The following UNC13B variants were observed in gnomAD, a reference collection of about 807,000 sequenced individuals.
UNC13B encodes the protein protein unc-13 homolog B.
In UNC13B, 144 loss-of-function variants were observed where a neutral mutation model predicts 211.0. The observed-to-expected ratio is 0.68, with a 90% CI of 0.60 to 0.78. The LOEUF (loss-of-function observed/expected upper bound fraction) is 0.78, where lower values mean the gene tolerates loss of function less well. Ranked by LOEUF, UNC13B falls within the 30% of genes least tolerant of loss-of-function variation. The pLI is 0.00. For missense variants in UNC13B, 1,777 were observed against 2,002.0 expected (o/e 0.89, Z 2.14); for synonymous variants, 709 against 725.8 (o/e 0.98, Z 0.37).
At chr9:35,174,290 T>C (rs576839741) in intron 1 of UNC13B, among the ~76,000 whole-genome samples, 1 of 151,844 alleles carries the variant, frequency 6.6e-6, no homozygotes, top group East Asian at 1.9e-4. Flanking sequence ...CCTGAGTAGC[T>C]GGAACTACAG....
intron 11 of UNC13B, among the ~76,000 whole-genome samples, chr9:35,345,202 T>G (rs574648454): frequency 6.6e-6 from 1 of 152,114 alleles, no homozygotes; most frequent in Admixed American, 6.6e-5. Context: ...AAACAAAAAA[T>G]TATTTTGACA....
At chr9:35,351,282 C>G in intron 11 of UNC13B, 1 of 1,181,224 alleles carries the variant, frequency 8.5e-7, no homozygotes, top group Non-Finnish European at 1.0e-6. Flanking sequence ...CACTATTTTC[C>G]TTTTTCACTA....
chr9:35,402,605 G>C (rs2132394639), intron 37 of UNC13B, among the ~76,000 whole-genome samples: 1 of 152,086 alleles, frequency 6.6e-6, no homozygotes, highest in South Asian at 2.1e-4. Context: ...AAATAGGGTG[G>C]GGTCTCTGCT....
chr9:35,318,991 T>G (rs557509899), intron 11 of UNC13B, among the ~76,000 whole-genome samples: 1 of 152,206 alleles, frequency 6.6e-6, no homozygotes, highest in Non-Finnish European at 1.5e-5. Flanking sequence ...AGATAACAAG[T>G]GAAAGAAAAT....
intron 11 of UNC13B, chr9:35,352,279 G>A (rs1212893679): frequency 1.6e-6 from 2 of 1,232,198 alleles, no homozygotes; most frequent in South Asian, 8.2e-5. Context: ...TTAATGGCAT[G>A]CAGTGCAACA....
rs1825821884 is a variant in UNC13B, at chr9:35,241,646, C to T, written c.395-1645C>T. On this transcript the variant is annotated intron_variant, in intron 5 of 39. Transcript: ENST00000635942. ...ATAGTAGCATATTCTAACACATTCC[C>T]TGTGCCTTGCTGTTTTGCACTTAGT... Among the ~76,000 whole-genome samples, 3 of 151,944 alleles carry T rather than the reference C, an allele frequency of 2.0e-5. No homozygotes were observed. The South Asian group carries it at 6.2e-4, about 31-fold the overall frequency.
chr9:35,314,257 A>G (rs1830333790), intron 11 of UNC13B, among the ~76,000 whole-genome samples: 1 of 152,160 alleles, frequency 6.6e-6, no homozygotes, highest in Non-Finnish European at 1.5e-5. Context: ...GTCTCTTTGA[A>G]GCCGTTTGAG....
chr9:35,204,787 G>A (rs1446557365), intron 1 of UNC13B, among the ~76,000 whole-genome samples: 5 of 152,210 alleles, frequency 3.3e-5, no homozygotes, highest in Admixed American at 3.3e-4. Context: ...GGCTTGCCTT[G>A]TCTCAGATGT....
chr9:35,263,264 A>G (rs1034798275), intron 7 of UNC13B, among the ~76,000 whole-genome samples: 2 of 152,194 alleles, frequency 1.3e-5, no homozygotes, highest in African/African-American at 4.8e-5. Context: ...AGTAAAAAAT[A>G]ATAGTCCTTA....
intron 7 of UNC13B, among the ~76,000 whole-genome samples, chr9:35,272,911 A>C (rs368534473): frequency 1.3e-5 from 2 of 152,142 alleles, no homozygotes; most frequent in Non-Finnish European, 2.9e-5. Context: ...TGTTATTTCT[A>C]TATGTATTAT....
At chr9:35,246,676 C>T (rs1342319405) in intron 6 of UNC13B, among the ~76,000 whole-genome samples, 3 of 151,964 alleles carry the variant, frequency 2.0e-5, no homozygotes, top group Non-Finnish European at 4.4e-5. Flanking sequence ...TGTGGTATTA[C>T]TTCTGAGGGC....
chr9:35,243,227 T>C lies in UNC13B; in HGVS notation c.395-64T>C, dbSNP rs1825901912. ...AGTCATTAGACAGAGTAAAGTGTTA[T>C]CTGCTGATGATTTATTACCTGCTGA... On this transcript the variant is annotated intron_variant, in intron 5 of 39. Coordinates refer to ENST00000635942, the MANE Select transcript of UNC13B (RefSeq NM_001371189.2). 4.7e-6 allele frequency: 7 copies of C among 1,500,846 alleles called. No homozygotes were observed. In the South Asian group the frequency reaches 6.8e-5, roughly 15 times the overall value. The allele number at this position is 1,500,846 out of a possible 1,614,324, so 93.0% of individuals were successfully genotyped here.
intron 1 of UNC13B, among the ~76,000 whole-genome samples, chr9:35,192,954 C>T (rs1003388760): frequency 1.6e-4 from 24 of 152,136 alleles, no homozygotes; most frequent in African/African-American, 5.8e-4. Flanking sequence ...TGTTTTCCCT[C>T]TGCGGTTTCT....
rs1284815827 is a variant in UNC13B, at chr9:35,382,255, C to A, written c.10656-102C>A. 3 of 1,486,884 alleles carry A rather than the reference C, an allele frequency of 2.0e-6. No individual in the cohort carries two copies. The East Asian group carries it at 6.8e-5, about 34-fold the overall frequency. 92.1% of individuals were successfully genotyped at this position (1,486,884 alleles called of 1,614,324 possible). On this transcript the variant is annotated intron_variant, in intron 20 of 39. Coordinates refer to ENST00000635942, the MANE Select transcript of UNC13B (RefSeq NM_001371189.2). The stretch of plus-strand genomic sequence containing the variant: ...CTAGGCAAGAGAGGGCAGCAATTGC[C>A]CTGGCTGTGCTTCATTTATCCCATA...
chr9:35,304,366 A>T lies in UNC13B; in HGVS notation c.4962A>T (p.Gln1654His), dbSNP rs894887564. ...QPLDFSGYNR[Q>H]KFKGDFRSFK... The stretch of plus-strand genomic sequence containing the variant: ...TAGATTTTTCAGGCTATAATCGTCA[A>T]AAGTTTAAAGGAGACTTTAGATCTT... The change falls in exon 9 of 40, where the codon CAA becomes CAT. Residue 1654 changes from glutamine (Q) to histidine (H), a missense_variant. By Grantham distance (24) the Gln-to-His change is conservative (BLOSUM62 0). Transcript: ENST00000635942. 7.5e-6 allele frequency: 3 copies of T among 398,622 alleles called. No individual in the cohort carries two copies. Among genetic ancestry groups the T allele is most frequent in the African/African-American group, 2.1e-5 (1 of 48,606 alleles). 24.7% of individuals were successfully genotyped at this position (398,622 alleles called of 1,614,324 possible).
intron 11 of UNC13B, among the ~76,000 whole-genome samples, chr9:35,366,012 A>G (rs1833747980): frequency 6.6e-6 from 1 of 152,114 alleles, no homozygotes; most frequent in Non-Finnish European, 1.5e-5. Context: ...GCTCTCCAAA[A>G]CATCACTCAC....
At chr9:35,270,958 G>A (rs866994129) in intron 7 of UNC13B, among the ~76,000 whole-genome samples, 6 of 152,066 alleles carry the variant, frequency 3.9e-5, no homozygotes, top group Non-Finnish European at 8.8e-5. Flanking sequence ...GGCCAACATG[G>A]TGAAACCCCA....
intron 7 of UNC13B, among the ~76,000 whole-genome samples, chr9:35,274,435 GC>G (rs1828060745): frequency 1.3e-5 from 2 of 152,106 alleles, no homozygotes; most frequent in African/African-American, 4.8e-5. Flanking sequence ...TCCTAATAAT[GC>G]CTTAAAGAGA....
At chr9:35,199,036 G>A (rs1176361815) in intron 1 of UNC13B, among the ~76,000 whole-genome samples, 3 of 152,098 alleles carry the variant, frequency 2.0e-5, no homozygotes, top group Non-Finnish European at 4.4e-5. Context: ...ACAGGCCCCA[G>A]TGTGTGATGT....
Sources: gnomAD v4.1 joint callset for allele counts (sites outside exome capture counted in the v4.1 genomes callset) on GRCh38, gnomAD v4.1.1 for gene constraint, MANE v1.5 for transcripts, NCBI Gene and HGNC (gene_info 2026-07-23, HGNC 2026-07-21) for gene names.